MACF1: variants seen among roughly 807,000 people sequenced by gnomAD.
The protein encoded by MACF1 is microtubule-actin cross-linking factor 1.
In MACF1, 193 loss-of-function variants were observed where a neutral mutation model predicts 854.8. The ratio of observed to expected loss-of-function variants is 0.23; its 90% CI spans 0.20 to 0.25. The LOEUF (loss-of-function observed/expected upper bound fraction) is 0.25. Ranked by LOEUF, MACF1 falls within the 10% of genes least tolerant of loss-of-function variation. MACF1 has a pLI of 1.00. For synonymous variants in MACF1, 3,185 were observed against 3,226.7 expected, an observed-to-expected ratio of 0.99 and a Z score of 0.44; for missense variants, 7,722 against 8,929.1, an observed-to-expected ratio of 0.86 and a Z score of 5.45.
chr1:39,169,444 AT>A (rs930361092), intron 2 of MACF1, among the ~76,000 whole-genome samples: 4 of 151,108 alleles, frequency 2.6e-5, no homozygotes, highest in Non-Finnish European at 4.4e-5. Context: ...AGAAAAAAAC[AT>A]TTTTTTTTAA....
At chr1:39,305,288 G>GTT (rs1165976900) in intron 23 of MACF1, among the ~76,000 whole-genome samples, 2 of 150,782 alleles carry the variant, frequency 1.3e-5, no homozygotes, top group Non-Finnish European at 3.0e-5. Flanking sequence ...GTGTGTGTGT[G>GTT]TATATATATG....
rs779057078 is a variant in MACF1, at chr1:39,485,584, A to T, written c.22458A>T (p.Arg7486=). Reference sequence around the variant, plus strand: ...GCCCTGGGAGTCGGGCTGGGAGTCGAGCCGGGAGTCGAGCCAGCAGCCGGC... The same window carrying T: ...GCCCTGGGAGTCGGGCTGGGAGTCGTGCCGGGAGTCGAGCCAGCAGCCGGC... The part of the protein sequence containing the change: ...ASRPGSRAGS[R]AGSRASSRRG... The change falls in exon 101 of 101, where the codon CGA becomes CGT. Residue 7486 remains arginine (R), a synonymous_variant. Coordinates refer to ENST00000564288, the MANE Select transcript of MACF1 (RefSeq NM_001394062.1). The T allele has an allele frequency of 8.1e-6, 13 of 1,613,816 alleles. No individual in the cohort carries two copies. In the Admixed American group the frequency reaches 1.3e-4, roughly 17 times the overall value.
chr1:39,269,443 T>C, intron 6 of MACF1: 1 of 1,289,872 alleles, frequency 7.8e-7, no homozygotes. Context: ...TCATTACTAC[T>C]GGACCAGCCT....
intron 1 of MACF1, among the ~76,000 whole-genome samples, chr1:39,226,198 A>G (rs537195838): frequency 8.1e-4 from 124 of 152,298 alleles, no homozygotes; most frequent in Admixed American, 1.8e-3. Context: ...TATATTCACA[A>G]TAAGTACTTA....
At chr1:39,187,666 G>A (rs894848386) in intron 2 of MACF1, among the ~76,000 whole-genome samples, 1 of 152,148 alleles carries the variant, frequency 6.6e-6, no homozygotes, top group African/African-American at 2.4e-5. Context: ...AAGAGTTTGA[G>A]TATAGAGTTC....
chr1:39,194,017 G>C (rs1004881159), intron 2 of MACF1, among the ~76,000 whole-genome samples: 1 of 152,130 alleles, frequency 6.6e-6, no homozygotes, highest in South Asian at 2.1e-4. Flanking sequence ...ATTTTTAATA[G>C]AGATGGGGTT....
At chr1:39,259,873 C>T (rs1244382821) in intron 6 of MACF1, among the ~76,000 whole-genome samples, 1 of 152,106 alleles carries the variant, frequency 6.6e-6, no homozygotes, top group Non-Finnish European at 1.5e-5. Context: ...CTGCCTCAGC[C>T]TCCCAAAGTG....
Position 39,140,707 on chromosome 1 carries a change from G to C in MACF1, c.220+56269G>C, listed in dbSNP as rs1277118315. ...TGAGGCAGGCGGATCACGAGGTCAGGAGATCAAGACTATCCTGGCCAACAT... is the reference window on the plus strand; with the variant it reads ...TGAGGCAGGCGGATCACGAGGTCAGCAGATCAAGACTATCCTGGCCAACAT... On this transcript the variant is annotated intron_variant, in intron 2 of 93. Transcript: ENST00000361689. 3.9e-5 allele frequency among the ~76,000 whole-genome samples: 6 copies of C among 152,138 alleles called. No homozygotes were observed. In the East Asian group the frequency reaches 1.2e-3, roughly 29 times the overall value.
At position 39,460,435 on chromosome 1, in the gene MACF1, A is replaced by G. The variant is rs746196518; in HGVS notation, c.21361-197A>G. Among the ~76,000 whole-genome samples the G allele has an allele frequency of 1.3e-5, 2 of 152,194 alleles. No individual in the cohort carries two copies. Among genetic ancestry groups the G allele is most frequent in the African/African-American group, 2.4e-5 (1 of 41,434 alleles). On this transcript the variant is annotated intron_variant, in intron 91 of 100. Transcript: ENST00000564288. The surrounding 1 kb of genome is among the most constrained non-coding windows in gnomAD (Gnocchi z 4.1). ...GTTTCTCTTGCTATTCCATTATACC[A>G]TAGCTCGTGTAAATAGTCATGGCTT...
intron 2 of MACF1, among the ~76,000 whole-genome samples, chr1:39,094,996 C>G (rs1034493631): frequency 6.6e-6 from 1 of 152,136 alleles, no homozygotes; most frequent in African/African-American, 2.4e-5. Context: ...TCCATGCCCT[C>G]CCTTGTATGC....
At chr1:39,126,113 ACC>A (rs1642854703) in intron 2 of MACF1, among the ~76,000 whole-genome samples, 1 of 152,224 alleles carries the variant, frequency 6.6e-6, no homozygotes, top group African/African-American at 2.4e-5. Context: ...ATAACGAAGT[ACC>A]ACAAACTGGG....
intron 5 of MACF1, 25 bp from the exon 6 acceptor site, chr1:39,257,911 A>T (rs752625062): frequency 6.5e-7 from 1 of 1,550,050 alleles, no homozygotes; most frequent in Non-Finnish European, 8.9e-7. Context: ...TAGAGCTCTG[A>T]GCCGTGCTTT....
rs1294687903 is a variant in MACF1, at chr1:39,296,776, G to GGAAGGAAGGAAGGA, written c.2356-844_2356-843insGAAGGAAGGAAGGA. ...AAAGGAAGGAAGGAAGGAAGGAAAA[G>GGAAGGAAGGAAGGA]AAAGAAAGAAAGAAAGGAAGGAAGG... On this transcript the variant is annotated intron_variant, in intron 20 of 100. Transcript: ENST00000564288. Among the ~76,000 whole-genome samples, 189 of 81,330 alleles carry GGAAGGAAGGAAGGA rather than the reference G, an allele frequency of 2.3e-3. 5 individuals carry two copies. The highest frequency in any genetic ancestry group is 8.0e-3 in the African/African-American group (144 of 17,914). 53.4% of individuals were successfully genotyped at this position (81,330 alleles called of 152,430 possible).
intron 2 of MACF1, among the ~76,000 whole-genome samples, chr1:39,124,616 G>A (rs570346829): frequency 1.1e-4 from 16 of 152,236 alleles, no homozygotes; most frequent in Middle Eastern, 3.4e-3. Context: ...CAATGAGTAC[G>A]TTTGTCTGCA....
intron 52 of MACF1, among the ~76,000 whole-genome samples, chr1:39,375,519 T>G (rs1649648708): frequency 6.6e-6 from 1 of 152,188 alleles, no homozygotes. Context: ...GCCAGGATGG[T>G]CTCAATCTCC....
Position 39,334,806 on chromosome 1 carries a change from G to A in MACF1, c.8218G>A (p.Val2740Met), listed in dbSNP as rs375827290. The stretch of plus-strand genomic sequence containing the variant: ...TGTTGACATATTTAGTGATCAGAGA[G>A]TGACTTTAGTAGAAGCTATTGAGAA... ...GIVDIFSDQR[V>M]TLVEAIEKRL... The change falls in exon 37 of 101, where the codon GTG becomes ATG. Residue 2740 changes from valine (V) to methionine (M), a missense_variant. Physicochemically the swap from Val to Met is conservative, Grantham distance 21. Coordinates refer to ENST00000564288, the MANE Select transcript of MACF1 (RefSeq NM_001394062.1). 1.1e-5 allele frequency: 18 copies of A among 1,614,142 alleles called. No individual in the cohort carries two copies. The highest frequency in any genetic ancestry group is 1.5e-5 in the Non-Finnish European group (18 of 1,180,010).
At chr1:39,423,727 CAT>C (rs2148639535) in intron 60 of MACF1, among the ~76,000 whole-genome samples, 1 of 151,184 alleles carries the variant, frequency 6.6e-6, no homozygotes, top group South Asian at 2.1e-4. Flanking sequence ...AGATAATTAA[CAT>C]ATTCATCACT....
In MACF1 at chr1:39,422,801, A is replaced by T. The variant is rs772685796; in HGVS notation, c.16050A>T (p.Pro5350=). The T allele has an allele frequency of 1.8e-5, 29 of 1,614,232 alleles. No individual in the cohort carries two copies. Among genetic ancestry groups the T allele is most frequent in the Non-Finnish European group, 2.5e-5 (29 of 1,180,036 alleles). The change falls in exon 60 of 101, where the codon CCA becomes CCT. Residue 5350 remains proline (P), a synonymous_variant. Coordinates refer to ENST00000564288, the MANE Select transcript of MACF1 (RefSeq NM_001394062.1). ...GGAAGTTTCAAGATGCCTTGGAGCC[A>T]TTGCTCAGCTGGTTGGCAGATACCG... is the stretch of plus-strand genomic sequence containing the variant. ...HCGKFQDALE[P]LLSWLADTEE... is the part of the protein sequence containing the mutation.
intron 2 of MACF1, among the ~76,000 whole-genome samples, chr1:39,162,817 G>A (rs954325187): frequency 2.0e-5 from 3 of 152,170 alleles, no homozygotes; most frequent in Non-Finnish European, 2.9e-5. Flanking sequence ...TTCTAAAGGC[G>A]GGAACTGTGT....
Sources: gnomAD v4.1 joint callset for allele counts (sites outside exome capture counted in the v4.1 genomes callset) on GRCh38, gnomAD v4.1.1 for gene constraint, Gnocchi (gnomAD v3.1) non-coding constraint, MANE v1.5 for transcripts, NCBI Gene and HGNC (gene_info 2026-07-23, HGNC 2026-07-21) for gene names.